Variants in EVC observed in about 807,000 individuals in gnomAD.
EVC encodes the protein evC complex member EVC.
Under a neutral mutation model 118.9 loss-of-function variants are expected in EVC, and 116 were observed. The ratio of observed to expected loss-of-function variants is 0.98; its 90% confidence interval spans 0.84 to 1.14. The LOEUF (loss-of-function observed/expected upper bound fraction) is 1.14. EVC is among the 50% of genes most tolerant of loss of function. The pLI is 0.00. For synonymous variants in EVC, 619 were observed against 534.7 expected (o/e 1.16, Z -2.18); for missense variants, 1,401 against 1,246.4 (o/e 1.12, Z -1.87).
At chr4:5,729,863 G>T (rs1288657155) in intron 3 of EVC, among the ~76,000 whole-genome samples, 1 of 152,188 alleles carries the variant, frequency 6.6e-6, no homozygotes, top group African/African-American at 2.4e-5. Context: ...GGAAACTGAG[G>T]CCCAGAGAGG....
intron 2 of EVC, among the ~76,000 whole-genome samples, chr4:5,720,742 G>A (rs991034339): frequency 2.1e-4 from 32 of 152,152 alleles, no homozygotes; most frequent in African/African-American, 7.5e-4. Flanking sequence ...CTGCTATCCC[G>A]GGACATGGCT....
chr4:5,765,588 T>A (rs1245804142), intron 11 of EVC, among the ~76,000 whole-genome samples: 8 of 131,744 alleles, frequency 6.1e-5, no homozygotes, highest in South Asian at 2.8e-4. Flanking sequence ...TGGGTGCTCC[T>A]GTATTGGGCG....
chr4:5,824,296 A>C, the EVC span: 3 of 985,374 alleles, frequency 3.0e-6, no homozygotes, highest in Non-Finnish European at 3.6e-6. Flanking sequence ...GACTTTTAGC[A>C]TTCTATTTAG....
intron 11 of EVC, among the ~76,000 whole-genome samples, chr4:5,780,892 C>T (rs1393770160): frequency 6.6e-6 from 1 of 152,190 alleles, no homozygotes; most frequent in African/African-American, 2.4e-5. Flanking sequence ...CCAGAGGAAA[C>T]CAGGCACAAG....
chr4:5,795,673 G>C (rs995299884), intron 13 of EVC, among the ~76,000 whole-genome samples: 12 of 152,146 alleles, frequency 7.9e-5, no homozygotes, highest in African/African-American at 2.9e-4. Flanking sequence ...AACAAACAAA[G>C]AAGAGGATGG....
chr4:5,750,574 A>G (rs1730195187), intron 8 of EVC, among the ~76,000 whole-genome samples: 1 of 152,196 alleles, frequency 6.6e-6, no homozygotes, highest in African/African-American at 2.4e-5. Context: ...TCTTGGGCAG[A>G]TAATTTAACC....
At chr4:5,748,062 T>G in intron 7 of EVC, 86 bp from the exon 8 acceptor site, 1 of 1,402,282 alleles carries the variant, frequency 7.1e-7, no homozygotes, top group Non-Finnish European at 1.0e-6. Flanking sequence ...TGATAGGGAG[T>G]GAATTGTAAT....
In EVC at chr4:5,761,818, C is replaced by T. The variant is rs534306926; in HGVS notation, c.1563+5456C>T. Among the ~76,000 whole-genome samples the T allele has an allele frequency of 5.1e-4, 77 of 151,810 alleles. No homozygotes were observed. The South Asian group carries it at 0.015, about 29-fold the overall frequency. On this transcript the variant is annotated intron_variant, in intron 11 of 20. Coordinates refer to ENST00000264956, the MANE Select transcript of EVC (RefSeq NM_153717.3). The stretch of plus-strand genomic sequence containing the variant: ...GTTCCACCTCTCATCCCGACCTTTA[C>T]GGCACCGGGAATTCAGCTTCCAAGG...
At chr4:5,725,742 G>T (rs185332419) in intron 2 of EVC, among the ~76,000 whole-genome samples, 2 of 152,104 alleles carry the variant, frequency 1.3e-5, no homozygotes, top group African/African-American at 2.4e-5. Flanking sequence ...GTCAGTTTTT[G>T]CTTTTGTTGC....
intron 5 of EVC, among the ~76,000 whole-genome samples, chr4:5,734,432 G>T (rs1727345578): frequency 6.6e-6 from 1 of 152,090 alleles, no homozygotes; most frequent in South Asian, 2.1e-4. Context: ...TTAAGCCCAG[G>T]AATTTGAGAC....
In EVC at chr4:5,743,055, T is replaced by C. The variant is rs1004883071; in HGVS notation, c.801+1241T>C. ...ATTGAGGGACAGGTTATTTAGAACT[T>C]TCTAAAAAGGGGACAGTAACTTCTG... On this transcript the variant is annotated intron_variant, in intron 6 of 20. Transcript: ENST00000264956. The surrounding 1 kb of genome is among the most constrained non-coding windows in gnomAD (Gnocchi z 4.7). Among the ~76,000 whole-genome samples, 1 of 152,190 alleles carries C rather than the reference T, an allele frequency of 6.6e-6. No individual in the cohort carries two copies. The highest frequency in any genetic ancestry group is 1.5e-5 in the Non-Finnish European group (1 of 68,040).
the EVC span, among the ~76,000 whole-genome samples, chr4:5,827,593 TCAC>T: frequency 4.0e-5 from 6 of 151,858 alleles, no homozygotes; most frequent in Admixed American, 6.6e-5. Flanking sequence ...CACACAGAGC[TCAC>T]CACATGCTCG....
chr4:5,736,154 G>A (rs1054019249), intron 5 of EVC, among the ~76,000 whole-genome samples: 1 of 152,108 alleles, frequency 6.6e-6, no homozygotes, highest in Admixed American at 6.6e-5. Flanking sequence ...AGAACAGATT[G>A]GGGGCATGGA....
rs1347949076 is a variant in EVC at position 5,738,138 on chromosome 4, T to C, written c.703-3578T>C. On this transcript the variant is annotated intron_variant, in intron 5 of 20. Coordinates refer to ENST00000264956, the MANE Select transcript of EVC (RefSeq NM_153717.3). This position sits in a 1 kb window ranked among gnomAD's most constrained non-coding sequence, Gnocchi z 6.5. The stretch of plus-strand genomic sequence containing the variant: ...CTTCAGTGGAGGAAGTCATTGGAAA[T>C]GTGGAAATAGCAAGAAAACTAGGAT... Among the ~76,000 whole-genome samples, 1 of 152,100 alleles carries C rather than the reference T, an allele frequency of 6.6e-6. No individual in the cohort carries two copies. The highest frequency in any genetic ancestry group is 6.6e-5 in the Admixed American group (1 of 15,258).
chr4:5,825,795 G>GCA, the EVC span: 4 of 789,824 alleles, frequency 5.1e-6, no homozygotes, highest in African/African-American at 5.5e-5. This position sits in a 1 kb window ranked among gnomAD's most constrained non-coding sequence, Gnocchi z 4.4. Flanking sequence ...CACACAACAC[G>GCA]CACACACGAC....
chr4:5,733,431 A>T lies in EVC; in HGVS notation c.698A>T (p.His233Leu), dbSNP rs769431829. The T allele has an allele frequency of 5.6e-6, 9 of 1,613,868 alleles. No individual in the cohort carries two copies. Among genetic ancestry groups the T allele is most frequent in the Non-Finnish European group, 7.6e-6 (9 of 1,179,762 alleles). The change falls in exon 5 of 21, where the codon CAT (histidine) becomes CTT (leucine). Residue 233 changes from histidine (H) to leucine (L), a missense_variant. Transcript: ENST00000264956. ...HLDTALRQEK[H>L]MMFIQIFKMC... ...GACACGGCACTGAGGCAGGAAAAGC[A>T]TATGGTAGGTGGAGATGTTCGCATT...
Position 5,811,792 on chromosome 4 carries a change from A to C in EVC, c.*755A>C, listed in dbSNP as rs1205718475. 8.3e-6 allele frequency: 1 copy of C among 120,398 alleles called. No homozygotes were observed. Among genetic ancestry groups the C allele is most frequent in the Non-Finnish European group, 1.9e-5 (1 of 53,472 alleles). 7.5% of individuals were successfully genotyped at this position (120,398 alleles called of 1,614,324 possible). A position where few individuals can be genotyped will look rare whatever the true frequency, so the allele number is the denominator to read the frequency against. Reference sequence around the variant, plus strand: ...TTCTCACCTGGAGAGAAATTTCCAGACCATCCCCTCTCACCACAGCCAGGA... The same window carrying C: ...TTCTCACCTGGAGAGAAATTTCCAGCCCATCCCCTCTCACCACAGCCAGGA... On this transcript the variant is annotated 3_prime_UTR_variant, in exon 21 of 21. Transcript: ENST00000264956.
intron 9 of EVC, among the ~76,000 whole-genome samples, chr4:5,753,383 A>G (rs1391584197): frequency 4.6e-5 from 7 of 152,198 alleles, no homozygotes; most frequent in African/African-American, 1.4e-4. Flanking sequence ...GGGTCTCACT[A>G]GAAATTTACA....
chr4:5,731,784 G>A lies in EVC; in HGVS notation c.617+127G>A, dbSNP rs1177608543. 2.2e-5 allele frequency: 21 copies of A among 942,956 alleles called. No homozygotes were observed. In the Middle Eastern group the frequency reaches 1.8e-3, roughly 79 times the overall value. 58.4% of individuals were successfully genotyped at this position (942,956 alleles called of 1,614,324 possible). Reference sequence around the variant, plus strand: ...AGTGACTCTGCCAGGGACACACAGCGACCCAGCGTCACCATCGGAGCCCCA... The same window carrying A: ...AGTGACTCTGCCAGGGACACACAGCAACCCAGCGTCACCATCGGAGCCCCA... On this transcript the variant is annotated intron_variant, in intron 4 of 20. Coordinates refer to ENST00000264956, the MANE Select transcript of EVC (RefSeq NM_153717.3). This position sits in a 1 kb window ranked among gnomAD's most constrained non-coding sequence, Gnocchi z 5.6.
Sources: gnomAD v4.1 joint callset for allele counts (sites outside exome capture counted in the v4.1 genomes callset) on GRCh38, gnomAD v4.1.1 for gene constraint, Gnocchi (gnomAD v3.1) non-coding constraint, MANE v1.5 for transcripts, NCBI Gene and HGNC (gene_info 2026-07-23, HGNC 2026-07-21) for gene names.